RNF187: variants seen among roughly 807,000 people sequenced by gnomAD.
The protein encoded by RNF187 is E3 ubiquitin-protein ligase RNF187.
RNF187 carries 18 observed loss-of-function variants against 22.2 expected under a neutral mutation model. That is an observed-to-expected ratio of 0.81 (90% confidence interval 0.56 to 1.20). The LOEUF is 1.20. Among genes scored for constraint, RNF187 ranks in the 50% most tolerant of loss-of-function variants. The probability of loss-of-function intolerance (pLI) is 0.00; values close to 1 mark genes in which losing one functional copy is unlikely to be tolerated. For missense variants in RNF187, 329 were observed against 317.6 expected, an observed-to-expected ratio of 1.04 and a Z score of -0.27; for synonymous variants, 164 against 140.9, an observed-to-expected ratio of 1.16 and a Z score of -1.16.
Position 228,487,634 on chromosome 1 carries a change from GC to G in RNF187, c.150del (p.Glu51SerfsTer89), listed in dbSNP as rs2149146478. On this transcript the variant is annotated frameshift_variant, in exon 1 of 4. Transcript: ENST00000305943. LOFTEE classifies it high-confidence loss of function. ...GCCGAGGAGGACGGGCCCTTCCCGT[GC>G]CCCGAGTGCGCCGACGACTGCTGGC... The G allele has an allele frequency of 2.5e-6, 3 of 1,200,970 alleles. No homozygotes were observed. The highest frequency in any genetic ancestry group is 5.0e-5 in the East Asian group (1 of 20,172). The allele number at this position is 1,200,970 out of a possible 1,614,324, so 74.4% of individuals were successfully genotyped here.
chr1:228,490,359 CTGAACTTCTCCTTGCCTTG>C, intron 2 of RNF187, among the ~76,000 whole-genome samples: 1 of 152,340 alleles, frequency 6.6e-6, no homozygotes, highest in Admixed American at 6.5e-5. Flanking sequence ...TGGGGCTGCT[CTGAACTTCTCCTTGCCTTG>C]TGAGTGGTCA....
Position 228,487,546 on chromosome 1 carries a change from CG to C in RNF187, c.61del (p.Glu21AsnfsTer119). ...CTGCGCCCTGTGCCAGCGCGCGCCC[CG>C]GGAACCGGTGCGCGCCGACTGCGGC... On this transcript the variant is annotated frameshift_variant, in exon 1 of 4. Transcript: ENST00000305943. LOFTEE classifies it high-confidence loss of function. 1 of 1,229,672 alleles carries C rather than the reference CG, an allele frequency of 8.1e-7. No individual in the cohort carries two copies. Among genetic ancestry groups the C allele is most frequent in the Non-Finnish European group, 1.0e-6 (1 of 977,130 alleles). 76.2% of individuals were successfully genotyped at this position (1,229,672 alleles called of 1,614,324 possible). A position where few individuals can be genotyped will look rare whatever the true frequency, so the allele number is the denominator to read the frequency against.
In RNF187 at chr1:228,494,228, C is replaced by T; in HGVS notation, c.*343C>T. ...GCCCCTCACCTCGTCATCCAGGGACCCAGACCCTGCACCTTCCATGTGGGC... is the reference window on the plus strand; with the variant it reads ...GCCCCTCACCTCGTCATCCAGGGACTCAGACCCTGCACCTTCCATGTGGGC... On this transcript the variant is annotated 3_prime_UTR_variant, in exon 4 of 4. Coordinates refer to ENST00000305943, the MANE Select transcript of RNF187 (RefSeq NM_001010858.3). 1 of 1,303,878 alleles carries T rather than the reference C, an allele frequency of 7.7e-7. No individual in the cohort carries two copies. Among genetic ancestry groups the T allele is most frequent in the Non-Finnish European group, 9.8e-7 (1 of 1,016,932 alleles). 80.8% of individuals were successfully genotyped at this position (1,303,878 alleles called of 1,614,324 possible).
At position 228,489,568 on chromosome 1, in the gene RNF187, AT is replaced by A; in HGVS notation, c.483+526del. ...TCCCGCCTTGGCCTCCCAAAGTGCT[AT>A]TTTTTTTTTCTTTTTTAGAACACAT... On this transcript the variant is annotated intron_variant, in intron 2 of 3. Coordinates refer to ENST00000305943, the MANE Select transcript of RNF187 (RefSeq NM_001010858.3). Among the ~76,000 whole-genome samples the A allele has an allele frequency of 8.8e-3, 1,335 of 151,376 alleles. 11 individuals are homozygous for A. The highest frequency in any genetic ancestry group is 0.031 in the African/African-American group (1,278 of 40,908).
Position 228,493,387 on chromosome 1 carries a change from C to T in RNF187, c.705+113C>T. The T allele has an allele frequency of 6.9e-7, 1 of 1,456,972 alleles. No individual in the cohort carries two copies. The highest frequency in any genetic ancestry group is 9.1e-7 in the Non-Finnish European group (1 of 1,104,772). The allele number at this position is 1,456,972 out of a possible 1,614,324, so 90.3% of individuals were successfully genotyped here. ...AAGGCTTAAAAGCCCAGCCTGACTC[C>T]CACTGCCGTGGCCTTGCAGGGCTGA... On this transcript the variant is annotated intron_variant, in intron 3 of 3. Transcript: ENST00000305943. This position sits in a 1 kb window ranked among gnomAD's most constrained non-coding sequence, Gnocchi z 4.7.
At position 228,493,975 on chromosome 1, in the gene RNF187, G is replaced by T; in HGVS notation, c.*90G>T. 6.4e-7 allele frequency: 1 copy of T among 1,551,554 alleles called. No individual in the cohort carries two copies. The highest frequency in any genetic ancestry group is 8.7e-7 in the Non-Finnish European group (1 of 1,146,944). On this transcript the variant is annotated 3_prime_UTR_variant, in exon 4 of 4. Transcript: ENST00000305943. This position sits in a 1 kb window ranked among gnomAD's most constrained non-coding sequence, Gnocchi z 4.7. ...GTGTCAGCGTGTGGCTGCCAGGGAA[G>T]CGTGGCAGGCGCCTGGCCTTGGGTC...
Position 228,489,066 on chromosome 1 carries a change from C to A in RNF187, c.483+14C>A. 1 of 1,538,856 alleles carries A rather than the reference C, an allele frequency of 6.5e-7. No individual in the cohort carries two copies. On this transcript the variant is annotated intron_variant, in intron 2 of 3. Transcript: ENST00000305943. ...GCAGTGTGGAAGGCAAGTGGGGGGA[C>A]CTGGGGCAGCCTGGAATGAGGGGAC... is the stretch of plus-strand genomic sequence containing the variant.
At chr1:228,491,249 G>A in intron 2 of RNF187, among the ~76,000 whole-genome samples, 2 of 151,838 alleles carry the variant, frequency 1.3e-5, no homozygotes, top group Admixed American at 1.3e-4. Context: ...AATTAGCCAG[G>A]TATGGTGTTG....
At position 228,495,096 on chromosome 1, in the gene RNF187, A is replaced by C; in HGVS notation, c.*1211A>C. On this transcript the variant is annotated 3_prime_UTR_variant, in exon 4 of 4. Coordinates refer to ENST00000305943, the MANE Select transcript of RNF187 (RefSeq NM_001010858.3). ...GGTGAGGAGGACTTTGATTGGGACCATTGAGATGGGTGTGGGACCCTTTCC... is the reference window on the plus strand; with the variant it reads ...GGTGAGGAGGACTTTGATTGGGACCCTTGAGATGGGTGTGGGACCCTTTCC... The C allele has an allele frequency of 6.5e-6, 6 of 922,976 alleles. No individual in the cohort carries two copies. The highest frequency in any genetic ancestry group is 7.8e-6 in the Non-Finnish European group (6 of 772,998). 57.2% of individuals were successfully genotyped at this position (922,976 alleles called of 1,614,324 possible).
Position 228,491,565 on chromosome 1 carries a change from C to T in RNF187, c.484-1488C>T. 2.0e-4 allele frequency among the ~76,000 whole-genome samples: 31 copies of T among 151,916 alleles called. 1 individual carries two copies. The South Asian group carries it at 5.6e-3, about 28-fold the overall frequency. ...AAGTGGTTCTCCTGCCTCAGCCTCC[C>T]GAGTAACTGCGACTACAGGTGTGCA... On this transcript the variant is annotated intron_variant, in intron 2 of 3. Coordinates refer to ENST00000305943, the MANE Select transcript of RNF187 (RefSeq NM_001010858.3).
At position 228,494,023 on chromosome 1, in the gene RNF187, A is replaced by G; in HGVS notation, c.*138A>G. Reference sequence around the variant, plus strand: ...GTCCATCTACATAGTTGCGTGTTTCAACAATGTCCATTTATCCTTCACCCC... The same window carrying G: ...GTCCATCTACATAGTTGCGTGTTTCGACAATGTCCATTTATCCTTCACCCC... On this transcript the variant is annotated 3_prime_UTR_variant, in exon 4 of 4. Coordinates refer to ENST00000305943, the MANE Select transcript of RNF187 (RefSeq NM_001010858.3). The G allele has an allele frequency of 3.2e-5, 50 of 1,545,682 alleles. No individual in the cohort carries two copies. In the Middle Eastern group the frequency reaches 1.0e-3, roughly 31 times the overall value.
chr1:228,494,444 G>A lies in RNF187; in HGVS notation c.*559G>A. 7 of 991,838 alleles carry A rather than the reference G, an allele frequency of 7.1e-6. No homozygotes were observed. Among genetic ancestry groups the A allele is most frequent in the African/African-American group, 1.7e-5 (1 of 57,422 alleles). 61.4% of individuals were successfully genotyped at this position (991,838 alleles called of 1,614,324 possible). ...CCCCTCTTGAGGTGGGCGTGGGCCCGGCCCAGCCTTATCCAAGTCGCTCTG... is the reference window on the plus strand; with the variant it reads ...CCCCTCTTGAGGTGGGCGTGGGCCCAGCCCAGCCTTATCCAAGTCGCTCTG... On this transcript the variant is annotated 3_prime_UTR_variant, in exon 4 of 4. Transcript: ENST00000305943.
Position 228,491,930 on chromosome 1 carries a change from G to A in RNF187, c.484-1123G>A. Among the ~76,000 whole-genome samples the A allele has an allele frequency of 2.2e-3, 341 of 152,308 alleles. 1 individual carries two copies. Among genetic ancestry groups the A allele is most frequent in the Non-Finnish European group, 3.6e-3 (244 of 68,038 alleles). The stretch of plus-strand genomic sequence containing the variant: ...ACAAGGTCTGTACCAAATTCTGTCG[G>A]CCTTGACTTCCTGTCGTCCTTGATG... On this transcript the variant is annotated intron_variant, in intron 2 of 3. Coordinates refer to ENST00000305943, the MANE Select transcript of RNF187 (RefSeq NM_001010858.3).
chr1:228,494,405 C>T lies in RNF187; in HGVS notation c.*520C>T. ...AGACTGGATTGCACCTTGATGCCTC[C>T]TGAGGAGGCGGCCCCCCTCTTGAGG... On this transcript the variant is annotated 3_prime_UTR_variant, in exon 4 of 4. Transcript: ENST00000305943. 19 of 1,002,698 alleles carry T rather than the reference C, an allele frequency of 1.9e-5. No homozygotes were observed. Among genetic ancestry groups the T allele is most frequent in the Non-Finnish European group, 2.3e-5 (19 of 839,464 alleles). 62.1% of individuals were successfully genotyped at this position (1,002,698 alleles called of 1,614,324 possible).
At chr1:228,487,964 C>G in intron 1 of RNF187, 86 bp downstream of exon 1, 2 of 848,758 alleles carry the variant, frequency 2.4e-6, no homozygotes, top group Non-Finnish European at 2.9e-6. Context: ...GCCCTGGGCC[C>G]TTCCCGTCTC....
intron 2 of RNF187, 55 bp from the exon 3 acceptor site, chr1:228,492,998 T>C: frequency 2.0e-6 from 3 of 1,484,438 alleles, no homozygotes; most frequent in Non-Finnish European, 2.7e-6. Context: ...CAGGTTCCCC[T>C]TCCCCTGGGG....
chr1:228,490,797 A>T, intron 2 of RNF187, among the ~76,000 whole-genome samples: 1 of 152,208 alleles, frequency 6.6e-6, no homozygotes, highest in African/African-American at 2.4e-5. Flanking sequence ...AAGAGTGGCA[A>T]GTGTGAATGC....
At chr1:228,490,868 G>C in intron 2 of RNF187, among the ~76,000 whole-genome samples, 1 of 152,214 alleles carries the variant, frequency 6.6e-6, no homozygotes, top group African/African-American at 2.4e-5. Context: ...GGGCACAGCA[G>C]GGACAGTTGC....
Position 228,487,612 on chromosome 1 carries a change from G to C in RNF187, c.124G>C (p.Glu42Gln), listed in dbSNP as rs1379661258. The C allele has an allele frequency of 9.5e-6, 12 of 1,258,666 alleles. No individual in the cohort carries two copies. Among genetic ancestry groups the C allele is most frequent in the Non-Finnish European group, 8.1e-6 (8 of 987,594 alleles). The allele number at this position is 1,258,666 out of a possible 1,614,324, so 78.0% of individuals were successfully genotyped here. A position where few individuals can be genotyped will look rare whatever the true frequency, so the allele number is the denominator to read the frequency against. The change falls in exon 1 of 4, where the codon GAG (glutamate) becomes CAG (glutamine). Residue 42 changes from glutamate to glutamine, a missense_variant. Physicochemically the swap from Glu to Gln is conservative, Grantham distance 29. Coordinates refer to ENST00000305943, the MANE Select transcript of RNF187 (RefSeq NM_001010858.3). Reference sequence around the variant, plus strand: ...GGCGTGCGTGGTGCGCTTCTGGGCCGAGGAGGACGGGCCCTTCCCGTGCCC... The same window carrying C: ...GGCGTGCGTGGTGCGCTTCTGGGCCCAGGAGGACGGGCCCTTCCCGTGCCC...
Sources: allele counts gnomAD v4.1 joint callset (sites outside exome capture counted in the v4.1 genomes callset), GRCh38; gene constraint gnomAD v4.1.1; non-coding constraint Gnocchi (gnomAD v3.1); transcripts MANE v1.5; gene names NCBI Gene and HGNC (gene_info 2026-07-23, HGNC 2026-07-21).